C6orf62: variants seen among roughly 807,000 people sequenced by gnomAD.
C6orf62 encodes the protein chromosome 6 open reading frame 62, also known as uncharacterized protein C6orf62.
A neutral mutation model predicts 26.8 loss-of-function variants in C6orf62; 16 were observed. That is an observed-to-expected ratio of 0.60 (90% CI 0.40 to 0.91). C6orf62 has a LOEUF of 0.91. Among genes scored for constraint, C6orf62 ranks in the 40% least tolerant of loss-of-function variants. The pLI, the probability that C6orf62 is intolerant of heterozygous loss-of-function variation, is 0.00. For missense variants in C6orf62, 192 were observed against 271.4 expected (o/e 0.71, Z 2.06); for synonymous variants, 112 against 91.5 (o/e 1.22, Z -1.28).
upstream of C6orf62, chr6:24,719,636 CA>C: frequency 7.0e-7 from 1 of 1,435,942 alleles, no homozygotes; most frequent in Non-Finnish European, 9.1e-7. Flanking sequence ...CCCGGGTTCC[CA>C]ACACCCCCAG....
At chr6:24,720,270 TGGCGGCGGCGGAAGAGGC>T (rs987007650), upstream of C6orf62, 57 of 1,294,444 alleles carry the variant, frequency 4.4e-5, no homozygotes, top group Middle Eastern at 2.9e-4. Flanking sequence ...GGCGGAGCGG[TGGCGGCGGCGGAAGAGGC>T]GGCGGCGGCG....
rs1778987649 is a variant in C6orf62 at position 24,705,376 on chromosome 6, C to T, written c.*761G>A. On this transcript the variant is annotated 3_prime_UTR_variant, in exon 5 of 5. Transcript: ENST00000378119. ...AAAAGTCCTCTACCTATCATGGTTT[C>T]TGCAGCTATGCATGTATTTCTGTTT... 1 of 152,636 alleles carries T rather than the reference C, an allele frequency of 6.6e-6. No homozygotes were observed. The allele number at this position is 152,636 out of a possible 1,614,324, so 9.5% of individuals were successfully genotyped here. A position where few individuals can be genotyped will look rare whatever the true frequency, so the allele number is the denominator to read the frequency against.
At chr6:24,715,141 C>G (rs934551689) in intron 2 of C6orf62, among the ~76,000 whole-genome samples, 6 of 152,190 alleles carry the variant, frequency 3.9e-5, no homozygotes, top group African/African-American at 1.4e-4. Context: ...AGCTGAAATG[C>G]TATTTTTATT....
chr6:24,712,406 C>T (rs1427871280), intron 3 of C6orf62, among the ~76,000 whole-genome samples: 1 of 151,740 alleles, frequency 6.6e-6, no homozygotes, highest in African/African-American at 2.4e-5. Flanking sequence ...CATGGTGGCT[C>T]ATACCTGTAA....
chr6:24,718,926 G>C lies in C6orf62; in HGVS notation c.-258C>G. The C allele has an allele frequency of 8.1e-7, 1 of 1,231,066 alleles. No individual in the cohort carries two copies. The highest frequency in any genetic ancestry group is 1.0e-6 in the Non-Finnish European group (1 of 983,010). The allele number at this position is 1,231,066 out of a possible 1,614,324, so 76.3% of individuals were successfully genotyped here. ...TTTGGGGTCAGACGGGAAAAAGGGA[G>C]GAAAGAAAGGAAAGAAAGAGGAGAA... On this transcript the variant is annotated 5_prime_UTR_variant, in exon 1 of 5. Coordinates refer to ENST00000378119, the MANE Select transcript of C6orf62 (RefSeq NM_030939.5).
upstream of C6orf62, chr6:24,719,385 G>C (rs935318615): frequency 3.0e-6 from 3 of 1,008,406 alleles, no homozygotes; most frequent in Non-Finnish European, 3.6e-6. Context: ...GGTAGAGAAG[G>C]AAAGGGAGAG....
upstream of C6orf62, chr6:24,720,129 G>A: frequency 7.2e-7 from 1 of 1,391,924 alleles, no homozygotes. Context: ...TGTTTCCCGA[G>A]GGGCAGGGGG....
Position 24,706,239 on chromosome 6 carries a change from G to T in C6orf62, c.588C>A (p.Ile196=). 1 of 1,614,190 alleles carries T rather than the reference G, an allele frequency of 6.2e-7. No individual in the cohort carries two copies. The highest frequency in any genetic ancestry group is 8.5e-7 in the Non-Finnish European group (1 of 1,180,038). The change falls in exon 5 of 5, where the codon ATC becomes ATA. Residue 196 remains isoleucine, a synonymous_variant. Transcript: ENST00000378119. ...HLQTPKNKAT[I]FKLCSICLYL... ...AGAGGCAGATGCTGCATAACTTGAA[G>T]ATTGTAGCTTTGTTTTTTGGAGTCT...
chr6:24,714,194 A>T, intron 3 of C6orf62, 124 bp downstream of exon 3: 1 of 700,048 alleles, frequency 1.4e-6, no homozygotes, highest in Non-Finnish European at 2.3e-6. Flanking sequence ...TATTCTAAAT[A>T]GGGGAGACTC....
At chr6:24,709,346 G>A (rs1779076026) in intron 3 of C6orf62, 4 of 984,872 alleles carry the variant, frequency 4.1e-6, no homozygotes, top group Non-Finnish European at 4.8e-6. Context: ...TCCCACCATA[G>A]TACTTTAAGC....
chr6:24,714,295 C>T lies in C6orf62; in HGVS notation c.429+23G>A, dbSNP rs149916024. ...AGTAGTTTTCACATATTGAAATACT[C>T]ATCACACTTTAGACCAAAATACCTG... On this transcript the variant is annotated intron_variant, in intron 3 of 4. Transcript: ENST00000378119. 3,147 of 1,582,428 alleles carry T rather than the reference C, an allele frequency of 2.0e-3. 5 individuals carry two copies. The highest frequency in any genetic ancestry group is 5.9e-3 in the Middle Eastern group (35 of 5,900).
chr6:24,720,534 A>C, upstream of C6orf62: 6 of 326,420 alleles, frequency 1.8e-5, no homozygotes, highest in South Asian at 1.1e-4. Context: ...AACAAAGAGA[A>C]AGATGGGGAG....
intron 3 of C6orf62, among the ~76,000 whole-genome samples, chr6:24,712,441 C>T (rs910528312): frequency 2.6e-5 from 4 of 151,826 alleles, no homozygotes; most frequent in Non-Finnish European, 5.9e-5. Context: ...GAGGCCGAGG[C>T]GGGTGAATCA....
chr6:24,710,537 T>C (rs1446973677), intron 3 of C6orf62: 2 of 957,528 alleles, frequency 2.1e-6, no homozygotes, highest in East Asian at 1.2e-4. Flanking sequence ...GTGTTGGGAT[T>C]ACAGGCGTGA....
rs1316976941 is a variant in C6orf62 at position 24,705,345 on chromosome 6, CAAAAG to C, written c.*787_*791del. ...AAAACAAAACAAAACAAAACAAAACCAAAAGAAAAGTCCTCTACCTATCATGGTTT... is the reference window on the plus strand; with the variant it reads ...AAAACAAAACAAAACAAAACAAAACCAAAAGTCCTCTACCTATCATGGTTT... On this transcript the variant is annotated 3_prime_UTR_variant, in exon 5 of 5. Transcript: ENST00000378119. 2.0e-5 allele frequency: 3 copies of C among 151,504 alleles called. No individual in the cohort carries two copies. The highest frequency in any genetic ancestry group is 2.1e-4 in the South Asian group (1 of 4,816). The allele number at this position is 151,504 out of a possible 1,614,324, so 9.4% of individuals were successfully genotyped here. A position where few individuals can be genotyped will look rare whatever the true frequency, so the allele number is the denominator to read the frequency against.
chr6:24,712,539 T>A (rs547320514), intron 3 of C6orf62, among the ~76,000 whole-genome samples: 1 of 151,434 alleles, frequency 6.6e-6, no homozygotes, highest in Non-Finnish European at 1.5e-5. Flanking sequence ...CGTGGTGGCA[T>A]GTCCCTGTAG....
chr6:24,711,770 T>C (rs879531582), intron 3 of C6orf62, among the ~76,000 whole-genome samples: 1 of 152,216 alleles, frequency 6.6e-6, no homozygotes, highest in Non-Finnish European at 1.5e-5. Context: ...GAGTTATATT[T>C]AAGGCCCCTC....
At chr6:24,706,586 G>C (rs1779013504) in intron 4 of C6orf62, among the ~76,000 whole-genome samples, 1 of 152,140 alleles carries the variant, frequency 6.6e-6, no homozygotes, top group Admixed American at 6.6e-5. Context: ...GATGTGGTAA[G>C]AATAGAAGCT....
rs538008188 is a variant in C6orf62, at chr6:24,716,590, T to C, written c.130-266A>G. On this transcript the variant is annotated intron_variant, in intron 1 of 4. Transcript: ENST00000378119. The stretch of plus-strand genomic sequence containing the variant: ...GTATCCATAGCACTATTTTGGACAA[T>C]ACTTCTTAAAATTAAAAATCTCACC... Among the ~76,000 whole-genome samples, 72 of 152,326 alleles carry C rather than the reference T, an allele frequency of 4.7e-4. 1 individual carries two copies. The highest frequency in any genetic ancestry group is 3.5e-3 in the South Asian group (17 of 4,830).
Sources: gnomAD v4.1 joint callset for allele counts (sites outside exome capture counted in the v4.1 genomes callset) on GRCh38, gnomAD v4.1.1 for gene constraint, MANE v1.5 for transcripts, NCBI Gene and HGNC (gene_info 2026-07-23, HGNC 2026-07-21) for gene names.